The following DIP2C variants were observed in gnomAD, a reference collection of about 807,000 sequenced individuals.
DIP2C encodes disco-interacting protein 2 homolog C.
Under a neutral mutation model 192.4 loss-of-function variants are expected in DIP2C, and 33 were observed. That is an observed-to-expected ratio of 0.17 (90% CI 0.13 to 0.23). The LOEUF is 0.23. DIP2C is among the 10% of genes least tolerant of loss of function. The pLI is 1.00. For synonymous variants in DIP2C, 979 were observed against 864.1 expected (o/e 1.13, Z -2.33); for missense variants, 1,537 against 2,110.1 (o/e 0.73, Z 5.32).
chr10:412,799 A>C (rs936496930), intron 8 of DIP2C, among the ~76,000 whole-genome samples: 1 of 152,240 alleles, frequency 6.6e-6, no homozygotes, highest in Non-Finnish European at 1.5e-5. Context: ...TTGTAACAAC[A>C]AAAGCTAAAG....
intron 7 of DIP2C, among the ~76,000 whole-genome samples, chr10:414,747 A>ATATATAATGTG (rs1965474817): frequency 1.7e-5 from 2 of 119,960 alleles, no homozygotes; most frequent in Non-Finnish European, 3.6e-5. Flanking sequence ...GTGTACATAT[A>ATATATAATGTG]TATATATATA....
At chr10:463,837 C>A (rs184297761) in intron 3 of DIP2C, among the ~76,000 whole-genome samples, 8 of 152,222 alleles carry the variant, frequency 5.3e-5, no homozygotes, top group Non-Finnish European at 1.2e-4. Flanking sequence ...GAAAAGAACA[C>A]CACACATCTA....
intron 31 of DIP2C, among the ~76,000 whole-genome samples, chr10:325,893 A>T (rs1361191239): frequency 6.6e-6 from 1 of 152,104 alleles, no homozygotes; most frequent in African/African-American, 2.4e-5. Context: ...ATGAAAATTA[A>T]AAAAAAGGCC....
At chr10:486,657 A>C (rs1844040516) in intron 1 of DIP2C, 127 bp from the exon 2 acceptor site, 1 of 739,128 alleles carries the variant, frequency 1.4e-6, no homozygotes. Flanking sequence ...TTTTAAAAGC[A>C]AGCACTGCAC....
At chr10:360,231 G>A (rs1271690978) in intron 22 of DIP2C, among the ~76,000 whole-genome samples, 1 of 152,146 alleles carries the variant, frequency 6.6e-6, no homozygotes, top group Non-Finnish European at 1.5e-5. Flanking sequence ...GACTGCTCCT[G>A]GGAGGCAGAG....
At chr10:302,885 C>T (rs1956117194) in intron 32 of DIP2C, among the ~76,000 whole-genome samples, 1 of 152,190 alleles carries the variant, frequency 6.6e-6, no homozygotes, top group Admixed American at 6.5e-5. Context: ...CAAAGGGCTA[C>T]AACATCACTG....
chr10:623,509 GGATGGACACAAGGCCA>G, intron 1 of DIP2C, among the ~76,000 whole-genome samples: 1 of 123,048 alleles, frequency 8.1e-6, no homozygotes. Flanking sequence ...AGGAGGGGAG[GGATGGACACAAGGCCA>G]AGGGGAAGAG....
At chr10:364,686 C>G (rs1307141719) in intron 19 of DIP2C, 104 bp from the exon 20 acceptor site, 6 of 1,299,774 alleles carry the variant, frequency 4.6e-6, no homozygotes, top group Non-Finnish European at 6.4e-6. Context: ...TAAGCTCTGC[C>G]TTTCACCCCA....
intron 1 of DIP2C, among the ~76,000 whole-genome samples, chr10:640,430 G>A (rs1480533166): frequency 6.6e-6 from 1 of 152,228 alleles, no homozygotes; most frequent in Non-Finnish European, 1.5e-5. Context: ...AGCTGGGGAA[G>A]AGATGCCCAA....
At chr10:351,186 G>A (rs1011245365) in intron 24 of DIP2C, among the ~76,000 whole-genome samples, 2 of 152,310 alleles carry the variant, frequency 1.3e-5, no homozygotes, top group South Asian at 2.1e-4. Context: ...AAAGGACGCC[G>A]CACGGACGAA....
intron 9 of DIP2C, among the ~76,000 whole-genome samples, chr10:406,925 C>T (rs1964845395): frequency 6.6e-6 from 1 of 152,040 alleles, no homozygotes; most frequent in Admixed American, 6.5e-5. Flanking sequence ...GCGAACCCAC[C>T]CAGGAACAGA....
chr10:281,944 A>C (rs562953300), intron 35 of DIP2C: 5 of 152,278 alleles, frequency 3.3e-5, no homozygotes, highest in Non-Finnish European at 5.9e-5. Flanking sequence ...TAATAAGGAA[A>C]TATGTCCTAA....
chr10:531,707 A>G (rs1847380995), intron 1 of DIP2C, among the ~76,000 whole-genome samples: 1 of 152,104 alleles, frequency 6.6e-6, no homozygotes, highest in African/African-American at 2.4e-5. Flanking sequence ...TGGGGAAATC[A>G]GGATGCAAGC....
intron 1 of DIP2C, among the ~76,000 whole-genome samples, chr10:573,775 G>C (rs1849972632): frequency 6.6e-6 from 1 of 151,344 alleles, no homozygotes; most frequent in South Asian, 2.1e-4. Context: ...TAAAAAAAAA[G>C]AACAAGTAAT....
chr10:571,274 C>CAT (rs1849779467), intron 1 of DIP2C, among the ~76,000 whole-genome samples: 1 of 152,244 alleles, frequency 6.6e-6, no homozygotes, highest in Non-Finnish European at 1.5e-5. Context: ...ACGTCGACCA[C>CAT]ATCTCAGGTC....
intron 1 of DIP2C, among the ~76,000 whole-genome samples, chr10:579,642 T>C (rs889111980): frequency 6.6e-6 from 1 of 152,072 alleles, no homozygotes; most frequent in African/African-American, 2.4e-5. Flanking sequence ...TGTACATGCA[T>C]AGAGCAAACA....
At chr10:510,478 C>T (rs1230930653) in intron 1 of DIP2C, among the ~76,000 whole-genome samples, 5 of 152,240 alleles carry the variant, frequency 3.3e-5, no homozygotes, top group Non-Finnish European at 5.9e-5. Context: ...CGCTCTTTCC[C>T]GCCTGGGGTT....
At chr10:357,784 A>G (rs753697306) in intron 23 of DIP2C, 44 bp downstream of exon 23, 1 of 1,498,126 alleles carries the variant, frequency 6.7e-7, no homozygotes, top group South Asian at 1.1e-5. Flanking sequence ...GGACAGTCGG[A>G]AAAGTCGGGG....
chr10:411,672 T>A (rs201150967), intron 8 of DIP2C, among the ~76,000 whole-genome samples: 7 of 150,602 alleles, frequency 4.6e-5, no homozygotes, highest in South Asian at 2.2e-4. Flanking sequence ...ACTCAGTATT[T>A]GAACAATTCT....
Sources: gnomAD v4.1 joint callset for allele counts (sites outside exome capture counted in the v4.1 genomes callset) on GRCh38, gnomAD v4.1.1 for gene constraint, MANE v1.5 for transcripts, NCBI Gene and HGNC (gene_info 2026-07-23, HGNC 2026-07-21) for gene names.